Variants in SYCE2 observed in about 807,000 individuals in gnomAD.
The protein encoded by SYCE2 is synaptonemal complex central element protein 2, also known as central element synaptonemal complex 1.
SYCE2 carries 3 observed loss-of-function variants against 27.9 expected under a neutral mutation model. The observed-to-expected ratio is 0.11, with a 90% CI of 0.05 to 0.28. SYCE2 has a LOEUF of 0.28. SYCE2 is among the 10% of genes least tolerant of loss of function. The pLI, the probability that SYCE2 is intolerant of heterozygous loss-of-function variation, is 1.00. For missense variants in SYCE2, 207 were observed against 263.5 expected (o/e 0.79, Z 1.48); for synonymous variants, 85 against 100.7 (o/e 0.84, Z 0.93).
At chr19:12,906,381 A>G (rs949682743) in intron 2 of SYCE2, among the ~76,000 whole-genome samples, 1 of 152,232 alleles carries the variant, frequency 6.6e-6, no homozygotes, top group African/African-American at 2.4e-5. Context: ...TGTAATTCAA[A>G]TATTGTGTTA....
chr19:12,902,904 G>C (rs1412878643), intron 3 of SYCE2, among the ~76,000 whole-genome samples: 1 of 149,216 alleles, frequency 6.7e-6, no homozygotes, highest in Non-Finnish European at 1.5e-5. Context: ...TATGTATTTT[G>C]TTTGTTTGTT....
intron 2 of SYCE2, among the ~76,000 whole-genome samples, chr19:12,916,354 C>T (rs537414731): frequency 6.6e-6 from 1 of 152,232 alleles, no homozygotes; most frequent in African/African-American, 2.4e-5. Context: ...CAGGTTGAGC[C>T]ACTGCGCCCG....
At chr19:12,912,765 C>T (rs554814537) in intron 2 of SYCE2, among the ~76,000 whole-genome samples, 63 of 150,684 alleles carry the variant, frequency 4.2e-4, no homozygotes, top group African/African-American at 1.4e-3. Context: ...TTCATGGCAG[C>T]TAAGCAAACA....
intron 2 of SYCE2, among the ~76,000 whole-genome samples, chr19:12,908,171 A>G (rs1343789747): frequency 1.3e-5 from 2 of 151,604 alleles, no homozygotes; most frequent in East Asian, 3.9e-4. Flanking sequence ...CACAACACAC[A>G]TATACACCCC....
chr19:12,918,461 A>G, intron 1 of SYCE2, 124 bp from the exon 2 acceptor site: 1 of 844,638 alleles, frequency 1.2e-6, no homozygotes, highest in Non-Finnish European at 1.9e-6. Flanking sequence ...GACCCGCAGG[A>G]AAGACGGGCA....
intron 2 of SYCE2, chr19:12,906,160 GCTTT>G (rs1479151551): frequency 2.0e-5 from 3 of 152,212 alleles, no homozygotes; most frequent in African/African-American, 7.2e-5. Context: ...CCAGCCTGAT[GCTTT>G]CTTAAGTGAC....
In SYCE2 at chr19:12,919,266, T is replaced by C; in HGVS notation, c.-9A>G. 2.5e-6 allele frequency: 4 copies of C among 1,610,638 alleles called. No individual in the cohort carries two copies. The highest frequency in any genetic ancestry group is 3.4e-6 in the Non-Finnish European group (4 of 1,179,964). ...ACTCCCTGTCGCTCCATTCCGTATT[T>C]TCCCGCCTTCAAGCTCGCACCCTCT... On this transcript the variant is annotated 5_prime_UTR_variant, in exon 1 of 6. Coordinates refer to ENST00000293695, the MANE Select transcript of SYCE2 (RefSeq NM_001105578.2).
rs745657713 is a variant in SYCE2 at position 12,899,449 on chromosome 19, CTG to C, written c.613-66_613-65del. The C allele has an allele frequency of 1.6e-5, 26 of 1,614,136 alleles. No individual in the cohort carries two copies. The highest frequency in any genetic ancestry group is 2.1e-5 in the Non-Finnish European group (25 of 1,180,000). ...GAGCTATGAAAACTCCAAACCGACT[CTG>C]TATTAATCTTGTCCAGGTACACATG... On this transcript the variant is annotated intron_variant, in intron 5 of 5. Transcript: ENST00000293695.
intron 3 of SYCE2, among the ~76,000 whole-genome samples, chr19:12,903,396 C>CTT (rs1280694858): frequency 8.8e-5 from 11 of 124,956 alleles, no homozygotes; most frequent in East Asian, 2.5e-4. Context: ...CGGCCCTCTT[C>CTT]TTTTTTTTTT....
intron 3 of SYCE2, among the ~76,000 whole-genome samples, chr19:12,902,001 G>A (rs779291557): frequency 1.5e-4 from 23 of 152,256 alleles, no homozygotes; most frequent in Middle Eastern, 3.4e-3. Flanking sequence ...TATATACAAT[G>A]ATGGCCCATA....
chr19:12,917,065 C>T (rs1453244692), intron 2 of SYCE2, among the ~76,000 whole-genome samples: 1 of 128,518 alleles, frequency 7.8e-6, no homozygotes, highest in Middle Eastern at 4.7e-3. Context: ...TATATATATA[C>T]TTTTTTTTTT....
At chr19:12,917,610 C>T (rs1324274464) in intron 2 of SYCE2, among the ~76,000 whole-genome samples, 1 of 149,080 alleles carries the variant, frequency 6.7e-6, no homozygotes, top group Admixed American at 6.7e-5. Flanking sequence ...ATCCACCCCC[C>T]TCGGCCTCCC....
intron 2 of SYCE2, among the ~76,000 whole-genome samples, chr19:12,915,578 GGCAACAGA>G (rs1971122113): frequency 6.7e-6 from 1 of 149,036 alleles, no homozygotes; most frequent in African/African-American, 2.5e-5. Flanking sequence ...CTCCAGCCTG[GGCAACAGA>G]GCGAGACTCC....
rs1291210049 is a variant in SYCE2, at chr19:12,899,286, G to A, written c.*55C>T. On this transcript the variant is annotated 3_prime_UTR_variant, in exon 6 of 6. Transcript: ENST00000293695. ...ATTTCTCAGTGTGGCCCAAATGGTG[G>A]CCTCACAGTCTTCTCCTGGAGACTG... The A allele has an allele frequency of 3.4e-6, 5 of 1,460,960 alleles. No homozygotes were observed. Among genetic ancestry groups the A allele is most frequent in the Non-Finnish European group, 1.9e-6 (2 of 1,040,790 alleles). The allele number at this position is 1,460,960 out of a possible 1,614,324, so 90.5% of individuals were successfully genotyped here.
At chr19:12,901,552 A>C (rs1970839396) in intron 3 of SYCE2, among the ~76,000 whole-genome samples, 1 of 152,086 alleles carries the variant, frequency 6.6e-6, no homozygotes, top group Admixed American at 6.5e-5. Flanking sequence ...GAAAAACACC[A>C]AAAACTAAAA....
chr19:12,910,318 T>C (rs1287457736), intron 2 of SYCE2, among the ~76,000 whole-genome samples: 2 of 152,100 alleles, frequency 1.3e-5, no homozygotes, highest in Non-Finnish European at 2.9e-5. Context: ...TTTTCTTTTG[T>C]AAGAAATTTT....
At position 12,899,219 on chromosome 19, in the gene SYCE2, T is replaced by C. The variant is rs1970772019; in HGVS notation, c.*122A>G. ...TTCAGCACAAGGAGCTTTGGGTTTT[T>C]GTTTTTTTCTGCCAAGATGCATTAT... is the stretch of plus-strand genomic sequence containing the variant. On this transcript the variant is annotated 3_prime_UTR_variant, in exon 6 of 6. Coordinates refer to ENST00000293695, the MANE Select transcript of SYCE2 (RefSeq NM_001105578.2). 4 of 907,346 alleles carry C rather than the reference T, an allele frequency of 4.4e-6. No homozygotes were observed. Among genetic ancestry groups the C allele is most frequent in the Admixed American group, 2.2e-5 (1 of 46,152 alleles). The allele number at this position is 907,346 out of a possible 1,614,324, so 56.2% of individuals were successfully genotyped here.
chr19:12,912,891 A>G (rs1329075287), intron 2 of SYCE2, among the ~76,000 whole-genome samples: 1 of 151,690 alleles, frequency 6.6e-6, no homozygotes, highest in Non-Finnish European at 1.5e-5. Flanking sequence ...TCCTTTGGGG[A>G]TTTATCCCTT....
At chr19:12,906,189 C>G (rs1006811013) in intron 2 of SYCE2, 1 of 152,206 alleles carries the variant, frequency 6.6e-6, no homozygotes, top group Non-Finnish European at 1.5e-5. Flanking sequence ...CTGTCATTAA[C>G]CTGCTGCATC....
Sources: gnomAD v4.1 joint callset for allele counts (sites outside exome capture counted in the v4.1 genomes callset) on GRCh38, gnomAD v4.1.1 for gene constraint, MANE v1.5 for transcripts, NCBI Gene and HGNC (gene_info 2026-07-23, HGNC 2026-07-21) for gene names.